The following NXPE2 variants were observed in gnomAD, a reference collection of about 807,000 sequenced individuals.
The protein encoded by NXPE2 is NXPE family member 2.
In NXPE2, 34 loss-of-function variants were observed where a neutral mutation model predicts 34.4. That is an observed-to-expected ratio of 0.99 (90% CI 0.75 to 1.31). The LOEUF (loss-of-function observed/expected upper bound fraction) is 1.31. Ranked by LOEUF, NXPE2 falls within the 40% of genes most tolerant of loss-of-function variation. The probability of loss-of-function intolerance (pLI) is 0.00; values close to 1 mark genes in which losing one functional copy is unlikely to be tolerated. For synonymous variants in NXPE2, 235 were observed against 231.3 expected, an observed-to-expected ratio of 1.02 and a Z score of -0.15; for missense variants, 649 against 672.5, an observed-to-expected ratio of 0.97 and a Z score of 0.39.
In NXPE2 at chr11:114,707,053, A is replaced by G; in HGVS notation, c.*123A>G. ...TTTGAAAAAGTTCTATTAAAGTTAA[A>G]TATATGTAACATAACATTTACCATT... On this transcript the variant is annotated 3_prime_UTR_variant, in exon 6 of 6. Coordinates refer to ENST00000389586, the MANE Select transcript of NXPE2 (RefSeq NM_182495.6). The G allele has an allele frequency of 1.4e-6, 1 of 697,742 alleles. No individual in the cohort carries two copies. The highest frequency in any genetic ancestry group is 2.1e-5 in the South Asian group (1 of 48,252). The allele number at this position is 697,742 out of a possible 1,614,324, so 43.2% of individuals were successfully genotyped here. A position where few individuals can be genotyped will look rare whatever the true frequency, so the allele number is the denominator to read the frequency against.
the NXPE2 span, among the ~76,000 whole-genome samples, chr11:114,733,255 G>A: frequency 1.8e-4 from 27 of 152,026 alleles, no homozygotes; most frequent in Non-Finnish European, 2.5e-4. Flanking sequence ...CAACACGCCC[G>A]GCTAATTTTT....
chr11:114,557,633 A>G, the NXPE2 span, among the ~76,000 whole-genome samples: 1 of 47,862 alleles, frequency 2.1e-5, no homozygotes, highest in Non-Finnish European at 4.1e-5. Flanking sequence ...TATATATAAT[A>G]CATATATATA....
the NXPE2 span, among the ~76,000 whole-genome samples, chr11:114,637,273 C>G: frequency 4.6e-5 from 7 of 151,774 alleles, 1 homozygote; most frequent in Admixed American, 4.6e-4. Context: ...TTATCAGAGA[C>G]TAGGATTGCA....
the NXPE2 span, among the ~76,000 whole-genome samples, chr11:114,763,496 C>T: frequency 6.6e-6 from 1 of 152,142 alleles, no homozygotes; most frequent in African/African-American, 2.4e-5. Flanking sequence ...GAGAATAGCA[C>T]ATGACCTCAC....
chr11:114,539,423 T>G, the NXPE2 span, among the ~76,000 whole-genome samples: 1 of 136,226 alleles, frequency 7.3e-6, no homozygotes, highest in Non-Finnish European at 1.5e-5. Context: ...CCCTAAAACT[T>G]AAAGTATAAT....
At chr11:114,709,915 G>GA (rs559518963), downstream of NXPE2, among the ~76,000 whole-genome samples, 54 of 132,606 alleles carry the variant, frequency 4.1e-4, no homozygotes, top group South Asian at 1.4e-3. Context: ...AAACAAAAAA[G>GA]AAAAAAAAAA....
At chr11:114,465,773 G>A in the NXPE2 span, among the ~76,000 whole-genome samples, 7 of 152,026 alleles carry the variant, frequency 4.6e-5, no homozygotes, top group Non-Finnish European at 8.8e-5. Flanking sequence ...AGGTCAGCCT[G>A]GACAGTATAG....
the NXPE2 span, among the ~76,000 whole-genome samples, chr11:114,560,216 A>C: frequency 6.6e-6 from 1 of 152,256 alleles, no homozygotes; most frequent in South Asian, 2.1e-4. Context: ...CAAGAGAACA[A>C]ATTGTCAGTG....
At chr11:114,469,378 G>T in the NXPE2 span, among the ~76,000 whole-genome samples, 1 of 151,806 alleles carries the variant, frequency 6.6e-6, no homozygotes, top group Admixed American at 6.6e-5. Context: ...CTCCCAAAGT[G>T]CTAGGATTAC....
the NXPE2 span, among the ~76,000 whole-genome samples, chr11:114,736,845 A>G: frequency 6.6e-6 from 1 of 152,192 alleles, no homozygotes; most frequent in Admixed American, 6.5e-5. Context: ...AATCTTCACA[A>G]TCCACATTCT....
At chr11:114,721,365 G>A in the NXPE2 span, among the ~76,000 whole-genome samples, 1 of 151,624 alleles carries the variant, frequency 6.6e-6, no homozygotes, top group Non-Finnish European at 1.5e-5. Context: ...TTTAGTGATT[G>A]AGCAAATCAC....
chr11:114,546,992 G>C, the NXPE2 span, among the ~76,000 whole-genome samples: 1 of 152,262 alleles, frequency 6.6e-6, no homozygotes, highest in South Asian at 2.1e-4. Context: ...ATATGTAAGG[G>C]ATAATAGACA....
the NXPE2 span, among the ~76,000 whole-genome samples, chr11:114,578,075 C>G: frequency 6.6e-6 from 1 of 152,142 alleles, no homozygotes; most frequent in East Asian, 1.9e-4. Flanking sequence ...AACATCAGGG[C>G]TAACTGCTTT....
chr11:114,780,532 G>C, the NXPE2 span, among the ~76,000 whole-genome samples: 1 of 152,242 alleles, frequency 6.6e-6, no homozygotes. Flanking sequence ...TATTGGTTCA[G>C]TGATTCCTGA....
chr11:114,805,191 G>GTT, the NXPE2 span, among the ~76,000 whole-genome samples: 11,030 of 146,318 alleles, frequency 0.075, 482 homozygotes, highest in East Asian at 0.13. Flanking sequence ...ACCACAAGGA[G>GTT]TTTTTTTTTT....
At chr11:114,472,086 A>G in the NXPE2 span, among the ~76,000 whole-genome samples, 2 of 152,226 alleles carry the variant, frequency 1.3e-5, no homozygotes, top group Non-Finnish European at 2.9e-5. Flanking sequence ...ATGCTAAACA[A>G]CATTTGGCCT....
At chr11:114,702,970 G>T (rs1951394076) in intron 3 of NXPE2, among the ~76,000 whole-genome samples, 1 of 152,174 alleles carries the variant, frequency 6.6e-6, no homozygotes, top group Non-Finnish European at 1.5e-5. Context: ...CCTTCCCCCA[G>T]ATGGATTTCA....
chr11:114,606,865 A>C, the NXPE2 span, among the ~76,000 whole-genome samples: 1 of 147,830 alleles, frequency 6.8e-6, no homozygotes. Context: ...ACTGTTATGC[A>C]GTGGATAATA....
At chr11:114,517,710 C>T in the NXPE2 span, among the ~76,000 whole-genome samples, 2 of 152,192 alleles carry the variant, frequency 1.3e-5, no homozygotes, top group African/African-American at 4.8e-5. Flanking sequence ...TTCCTCCACT[C>T]TGGTGAGTTG....
Sources: allele counts gnomAD v4.1 joint callset (sites outside exome capture counted in the v4.1 genomes callset), GRCh38; gene constraint gnomAD v4.1.1; transcripts MANE v1.5; gene names NCBI Gene and HGNC (gene_info 2026-07-23, HGNC 2026-07-21).